Variants in JPH1 observed in about 807,000 individuals in gnomAD.
JPH1 encodes the protein junctophilin-1.
In JPH1, 12 loss-of-function variants were observed where a neutral mutation model predicts 53.6. The observed-to-expected ratio is 0.22, with a 90% CI of 0.14 to 0.36. The LOEUF (loss-of-function observed/expected upper bound fraction) is 0.36. Among genes scored for constraint, JPH1 ranks in the 10% least tolerant of loss-of-function variants. The pLI, the probability that JPH1 is intolerant of heterozygous loss-of-function variation, is 1.00. For missense variants in JPH1, 808 were observed against 905.5 expected (o/e 0.89, Z 1.38); for synonymous variants, 375 against 363.8 (o/e 1.03, Z -0.35).
chr8:74,318,951 T>C (rs1398045231), intron 1 of JPH1, among the ~76,000 whole-genome samples: 2 of 152,142 alleles, frequency 1.3e-5, no homozygotes, highest in South Asian at 2.1e-4. Context: ...AGACATTCAG[T>C]AGTGATTTTT....
At chr8:74,260,320 G>A (rs561206958) in intron 2 of JPH1, among the ~76,000 whole-genome samples, 30 of 152,258 alleles carry the variant, frequency 2.0e-4, no homozygotes, top group African/African-American at 6.5e-4. Flanking sequence ...AGGGTTATGC[G>A]GAAAGTGGCA....
intron 2 of JPH1, among the ~76,000 whole-genome samples, chr8:74,301,154 C>A (rs1356319606): frequency 6.6e-6 from 1 of 152,132 alleles, no homozygotes; most frequent in Non-Finnish European, 1.5e-5. Flanking sequence ...TTTGTCTCTG[C>A]CACCCTGCCC....
At chr8:74,309,652 CAA>C (rs1563421649) in intron 2 of JPH1, among the ~76,000 whole-genome samples, 1 of 152,054 alleles carries the variant, frequency 6.6e-6, no homozygotes. Context: ...TTATTGGAGA[CAA>C]GAGTCGATGG....
chr8:74,267,657 G>A (rs932684012), intron 2 of JPH1, among the ~76,000 whole-genome samples: 5 of 152,198 alleles, frequency 3.3e-5, no homozygotes, highest in African/African-American at 1.2e-4. Context: ...AGAAGAAGCC[G>A]AGGAAGCAGG....
intron 2 of JPH1, among the ~76,000 whole-genome samples, chr8:74,263,515 T>C (rs1482596223): frequency 1.3e-5 from 2 of 152,242 alleles, no homozygotes; most frequent in South Asian, 2.1e-4. Context: ...GGCAACACCA[T>C]TCTTGCAGTT....
chr8:74,240,160 C>G (rs1366982061), intron 4 of JPH1, among the ~76,000 whole-genome samples: 2 of 151,846 alleles, frequency 1.3e-5, no homozygotes, highest in African/African-American at 4.8e-5. Flanking sequence ...TTGGTAGAGA[C>G]GGGGTTTCAC....
At chr8:74,288,973 T>G (rs1224050859) in intron 2 of JPH1, among the ~76,000 whole-genome samples, 2 of 152,186 alleles carry the variant, frequency 1.3e-5, no homozygotes, top group South Asian at 2.1e-4. Context: ...CCTTCTTTTG[T>G]GCATGGAGTG....
chr8:74,299,471 C>T (rs937913583), intron 2 of JPH1, among the ~76,000 whole-genome samples: 5 of 152,290 alleles, frequency 3.3e-5, no homozygotes, highest in Middle Eastern at 3.4e-3. Context: ...GTCAACGATT[C>T]GAGCCGTGTT....
chr8:74,286,860 A>G (rs1309417359), intron 2 of JPH1, among the ~76,000 whole-genome samples: 1 of 152,250 alleles, frequency 6.6e-6, no homozygotes, highest in Non-Finnish European at 1.5e-5. Flanking sequence ...TTGCCCAAAC[A>G]GTAAGTGAAA....
chr8:74,294,150 G>A (rs1475496095), intron 2 of JPH1, among the ~76,000 whole-genome samples: 2 of 152,128 alleles, frequency 1.3e-5, no homozygotes, highest in Admixed American at 1.3e-4. Context: ...TGGCCACAAG[G>A]GCAATTATGT....
intron 5 of JPH1, 77 bp from the exon 6 acceptor site, chr8:74,237,112 G>T: frequency 1.3e-6 from 1 of 762,786 alleles, no homozygotes; most frequent in East Asian, 2.6e-5. Context: ...TTAAAGTGAA[G>T]GACAATACGT....
At chr8:74,254,843 T>C (rs1265265205) in intron 3 of JPH1, among the ~76,000 whole-genome samples, 1 of 152,092 alleles carries the variant, frequency 6.6e-6, no homozygotes, top group Non-Finnish European at 1.5e-5. Context: ...ACAAGGGATG[T>C]GAAGGACCTC....
chr8:74,236,657 C>CAA lies in JPH1; in HGVS notation c.*392_*393dup, dbSNP rs528814320. The stretch of plus-strand genomic sequence containing the variant: ...TAGTAAGGCAGCTGTTGACTTCCAT[C>CAA]AAAAAAAAAAAAAAAATGCAGCTCC... On this transcript the variant is annotated 3_prime_UTR_variant, in exon 6 of 6. Coordinates refer to ENST00000342232, the MANE Select transcript of JPH1 (RefSeq NM_020647.4). 0.024 allele frequency: 3,283 copies of CAA among 139,386 alleles called. 42 individuals carry two copies. The highest frequency in any genetic ancestry group is 0.031 in the African/African-American group (1,137 of 37,242). 8.6% of individuals were successfully genotyped at this position (139,386 alleles called of 1,614,324 possible).
chr8:74,319,385 C>A (rs533154213), intron 1 of JPH1, among the ~76,000 whole-genome samples: 68 of 152,190 alleles, frequency 4.5e-4, no homozygotes, highest in Non-Finnish European at 8.7e-4. Context: ...GGGCCTCCAA[C>A]AAAATCCAGT....
intron 3 of JPH1, 75 bp from the exon 4 acceptor site, chr8:74,245,250 C>T: frequency 8.0e-7 from 1 of 1,252,142 alleles, no homozygotes; most frequent in Non-Finnish European, 1.1e-6. Context: ...TCAGATTAAC[C>T]TTTTCTCTTT....
intron 2 of JPH1, among the ~76,000 whole-genome samples, chr8:74,312,352 A>T (rs1387801157): frequency 6.6e-6 from 1 of 152,134 alleles, no homozygotes; most frequent in East Asian, 1.9e-4. Context: ...CTGGGGCTCA[A>T]GCCATCCTCT....
At position 74,320,795 on chromosome 8, in the gene JPH1, T is replaced by C; in HGVS notation, c.379+114A>G. ...CGGGGGTGGGAGGCGCCCCCAGGTGTTTTGGCGGGTTTCCGGACACGTGCG... is the reference window on the plus strand; with the variant it reads ...CGGGGGTGGGAGGCGCCCCCAGGTGCTTTGGCGGGTTTCCGGACACGTGCG... On this transcript the variant is annotated intron_variant, in intron 1 of 5. Transcript: ENST00000342232. The surrounding 1 kb of genome is among the most constrained non-coding windows in gnomAD (Gnocchi z 4.4). 7.9e-7 allele frequency: 1 copy of C among 1,267,592 alleles called. No homozygotes were observed. Among genetic ancestry groups the C allele is most frequent in the Non-Finnish European group, 1.0e-6 (1 of 972,870 alleles). 78.5% of individuals were successfully genotyped at this position (1,267,592 alleles called of 1,614,324 possible).
chr8:74,291,100 G>A (rs1807312921), intron 2 of JPH1, among the ~76,000 whole-genome samples: 1 of 152,062 alleles, frequency 6.6e-6, no homozygotes, highest in Non-Finnish European at 1.5e-5. Context: ...AACACCAAAA[G>A]CAATGGCAAC....
rs78623998 is a variant in JPH1, at chr8:74,267,299, C to A, written c.1140-7796G>T. Among the ~76,000 whole-genome samples, 182 of 152,246 alleles carry A rather than the reference C, an allele frequency of 1.2e-3. 4 individuals are homozygous for A. The East Asian group carries it at 0.028, about 24-fold the overall frequency. On this transcript the variant is annotated intron_variant, in intron 2 of 5. Coordinates refer to ENST00000342232, the MANE Select transcript of JPH1 (RefSeq NM_020647.4). ...AAAAGCAAAGAACTGGGGACTGAGA[C>A]AAAAGTGTCCTTGGGTGAAGGAAAC...
Sources: allele counts gnomAD v4.1 joint callset (sites outside exome capture counted in the v4.1 genomes callset), GRCh38; gene constraint gnomAD v4.1.1; non-coding constraint Gnocchi (gnomAD v3.1); transcripts MANE v1.5; gene names NCBI Gene and HGNC (gene_info 2026-07-23, HGNC 2026-07-21).